Variants in ZNF266 observed in about 807,000 individuals in gnomAD.
ZNF266 encodes the protein zinc finger protein 266.
ZNF266 carries 16 observed loss-of-function variants against 16.4 expected under a neutral mutation model. The observed-to-expected ratio is 0.98, with a 90% CI of 0.66 to 1.48. ZNF266 has a LOEUF of 1.48. Ranked by LOEUF, ZNF266 falls within the 40% of genes most tolerant of loss-of-function variation. The pLI is 0.00. For missense variants in ZNF266, 738 were observed against 689.1 expected (o/e 1.07, Z -0.79); for synonymous variants, 262 against 237.9 (o/e 1.10, Z -0.93).
Position 9,420,159 on chromosome 19 carries a change from CTTAGGAAT to C in ZNF266, c.-78_-71del, listed in dbSNP as rs2123027002. Reference sequence around the variant, plus strand: ...TACTCCAAGGATCACTCCAGGACAGCTTAGGAATCTACACGGACAGAGGTAACCTCCAT... The same window carrying C: ...TACTCCAAGGATCACTCCAGGACAGCCTACACGGACAGAGGTAACCTCCAT... On this transcript the variant is annotated 5_prime_UTR_variant, in exon 6 of 11. The change abolishes the stop of an existing upstream ORF in the 5' untranslated region. Coordinates refer to ENST00000592904, the MANE Select transcript of ZNF266 (RefSeq NM_001370374.1). 6.5e-6 allele frequency: 1 copy of C among 152,720 alleles called. No homozygotes were observed. Among genetic ancestry groups the C allele is most frequent in the African/African-American group, 2.4e-5 (1 of 41,546 alleles). 9.5% of individuals were successfully genotyped at this position (152,720 alleles called of 1,614,324 possible).
Position 9,414,385 on chromosome 19 carries a change from T to C in ZNF266, c.741A>G (p.Gly247=). ...ATTCCTTCCATTCATGGAGACTTTC[T>C]CCATTGTGAGTTCTTAAATGTCCCT... ...HLQGHLRTHN[G]ESLHEWKECG... The change falls in exon 11 of 11, where the codon GGA becomes GGG. Residue 247 remains glycine, a synonymous_variant. Transcript: ENST00000592904. 1.2e-6 allele frequency: 2 copies of C among 1,614,204 alleles called. No individual in the cohort carries two copies. The highest frequency in any genetic ancestry group is 1.7e-6 in the Non-Finnish European group (2 of 1,180,048).
chr19:9,414,519 T>G lies in ZNF266; in HGVS notation c.607A>C (p.Lys203Gln), dbSNP rs1448924656. ...EQRSVFSQCG[K>Q]AFSLNPDVVC... is the part of the protein sequence containing the mutation. ...ACATCTGGGTTCAGGCTGAAGGCTTTTCCACACTGACTAAATACAGAACGT... is the reference window on the plus strand; with the variant it reads ...ACATCTGGGTTCAGGCTGAAGGCTTGTCCACACTGACTAAATACAGAACGT... The change falls in exon 11 of 11, where the codon AAA becomes CAA. Residue 203 changes from lysine (K) to glutamine (Q), a missense_variant. Coordinates refer to ENST00000592904, the MANE Select transcript of ZNF266 (RefSeq NM_001370374.1). The G allele has an allele frequency of 5.0e-6, 8 of 1,614,084 alleles. No homozygotes were observed. The highest frequency in any genetic ancestry group is 6.8e-6 in the Non-Finnish European group (8 of 1,180,016).
rs147377924 is a variant in ZNF266 at position 9,413,620 on chromosome 19, G to A, written c.1506C>T (p.Pro502=). 1,259 of 1,613,918 alleles carry A rather than the reference G, an allele frequency of 7.8e-4. 2 individuals are homozygous for A. Among genetic ancestry groups the A allele is most frequent in the Non-Finnish European group, 1.0e-3 (1,210 of 1,180,012 alleles). Residue 502 remains proline, a synonymous_variant, in exon 11 of 11, where the codon CCC becomes CCT. Coordinates refer to ENST00000592904, the MANE Select transcript of ZNF266 (RefSeq NM_001370374.1). Reference sequence around the variant, plus strand: ...CTTTACCACATTCCAGGCACTCAAAGGGCTTCTCTCCAGTGTGAATTCTCA... The same window carrying A: ...CTTTACCACATTCCAGGCACTCAAAAGGCTTCTCTCCAGTGTGAATTCTCA... ...GHLRIHTGEK[P]FECLECGKAF... is the part of the protein sequence containing the mutation.
Position 9,435,324 on chromosome 19 carries a change from T to G in ZNF266, c.-598A>C, listed in dbSNP as rs1181452988. The G allele has an allele frequency of 6.6e-6, 1 of 152,218 alleles. No homozygotes were observed. Among genetic ancestry groups the G allele is most frequent in the Non-Finnish European group, 1.5e-5 (1 of 68,058 alleles). 9.4% of individuals were successfully genotyped at this position (152,218 alleles called of 1,614,324 possible). A position where few individuals can be genotyped will look rare whatever the true frequency, so the allele number is the denominator to read the frequency against. ...GGCTCCTGGCCCAGGGCCGTCGCAG[T>G]GACAACTCGAGTGGCTTTTTGAACC... On this transcript the variant is annotated 5_prime_UTR_variant, in exon 1 of 11. Transcript: ENST00000592904.
chr19:9,426,673 G>A (rs1418380905), intron 5 of ZNF266, among the ~76,000 whole-genome samples: 1 of 152,088 alleles, frequency 6.6e-6, no homozygotes, highest in African/African-American at 2.4e-5. Flanking sequence ...AAAATAAAAG[G>A]TAACTAGACT....
At chr19:9,424,061 C>T (rs1429845989) in intron 5 of ZNF266, among the ~76,000 whole-genome samples, 3 of 152,000 alleles carry the variant, frequency 2.0e-5, no homozygotes, top group African/African-American at 7.3e-5. Flanking sequence ...CAGAAGTTTG[C>T]TTTTATTCCC....
In ZNF266 at chr19:9,413,603, C is replaced by T. The variant is rs1020601113; in HGVS notation, c.1523G>A (p.Cys508Tyr). The T allele has an allele frequency of 3.7e-6, 6 of 1,614,104 alleles. No individual in the cohort carries two copies. The highest frequency in any genetic ancestry group is 1.3e-5 in the African/African-American group (1 of 74,932). Residue 508 changes from cysteine (C) to tyrosine (Y), a missense_variant, in exon 11 of 11, where the codon TGT becomes TAT. Cys to Tyr is a radical substitution (Grantham distance 194). Transcript: ENST00000592904. Reference sequence around the variant, plus strand: ...GGAGGAATGCGTAAATGCTTTACCACATTCCAGGCACTCAAAGGGCTTCTC... The same window carrying T: ...GGAGGAATGCGTAAATGCTTTACCATATTCCAGGCACTCAAAGGGCTTCTC... The part of the protein sequence containing the change: ...TGEKPFECLE[C>Y]GKAFTHSSSL...
chr19:9,429,546 C>T (rs896422059), intron 5 of ZNF266, among the ~76,000 whole-genome samples: 1 of 152,054 alleles, frequency 6.6e-6, no homozygotes, highest in African/African-American at 2.4e-5. Context: ...AAAATATCAC[C>T]GCTGGAAACA....
Position 9,417,840 on chromosome 19 carries a change from C to T in ZNF266, c.304G>A (p.Gly102Ser), listed in dbSNP as rs772779929. ...TGTGAACACTCACCTTGGAAATCACCTCTCTGCACTGTCCTAGACTCTTCT... is the reference window on the plus strand; with the variant it reads ...TGTGAACACTCACCTTGGAAATCACTTCTCTGCACTGTCCTAGACTCTTCT... ...EQEESRTVQR[G>S]DFQASEWKVQ... The change falls in exon 9 of 11, where the codon GGT becomes AGT. Residue 102 changes from glycine (G) to serine (S), a missense_variant. Physicochemically the swap from Gly to Ser is moderately conservative, Grantham distance 56 (BLOSUM62 0). Transcript: ENST00000592904. 1 of 1,613,894 alleles carries T rather than the reference C, an allele frequency of 6.2e-7. No individual in the cohort carries two copies. The highest frequency in any genetic ancestry group is 8.5e-7 in the Non-Finnish European group (1 of 1,179,834).
chr19:9,433,152 T>C (rs1430316599), intron 5 of ZNF266, among the ~76,000 whole-genome samples: 1 of 152,226 alleles, frequency 6.6e-6, no homozygotes, highest in Non-Finnish European at 1.5e-5. Context: ...GGGAAGAACG[T>C]GCAGAATCTA....
Position 9,414,113 on chromosome 19 carries a change from T to C in ZNF266, c.1013A>G (p.Lys338Arg). The change falls in exon 11 of 11, where the codon AAG becomes AGG. Residue 338 changes from lysine to arginine, a missense_variant. Lys to Arg is a conservative substitution (Grantham distance 26). Coordinates refer to ENST00000592904, the MANE Select transcript of ZNF266 (RefSeq NM_001370374.1). The stretch of plus-strand genomic sequence containing the variant: ...AACAGTGAAGGCTCTCCCACAATCC[T>C]TACATTTATAAGGTTTCTCTCCAGT... ...THTGEKPYKC[K>R]DCGRAFTVSS... is the part of the protein sequence containing the mutation. 1 of 1,613,502 alleles carries C rather than the reference T, an allele frequency of 6.2e-7. No homozygotes were observed. Among genetic ancestry groups the C allele is most frequent in the South Asian group, 1.1e-5 (1 of 91,048 alleles).
chr19:9,424,917 T>C (rs1568417403), intron 5 of ZNF266, among the ~76,000 whole-genome samples: 1 of 152,212 alleles, frequency 6.6e-6, no homozygotes, highest in African/African-American at 2.4e-5. Context: ...GAAATTCCTA[T>C]GTGTGTAGGA....
At chr19:9,416,686 T>TC (rs1329256696) in intron 9 of ZNF266, among the ~76,000 whole-genome samples, 16 of 140,638 alleles carry the variant, frequency 1.1e-4, no homozygotes, top group Admixed American at 2.2e-4. Flanking sequence ...TTTTTTTTTT[T>TC]TTTGAGACAG....
Position 9,414,507 on chromosome 19 carries a change from G to A in ZNF266, c.619C>T (p.Leu207=). Residue 207 remains leucine, a synonymous_variant, in exon 11 of 11, where the codon CTG becomes TTG. Coordinates refer to ENST00000592904, the MANE Select transcript of ZNF266 (RefSeq NM_001370374.1). ...VFSQCGKAFS[L]NPDVVCQRTC... ...CTCTGGCAAACAACATCTGGGTTCA[G>A]GCTGAAGGCTTTTCCACACTGACTA... The A allele has an allele frequency of 6.2e-7, 1 of 1,614,182 alleles. No individual in the cohort carries two copies. The highest frequency in any genetic ancestry group is 1.1e-5 in the South Asian group (1 of 91,084).
intron 5 of ZNF266, among the ~76,000 whole-genome samples, chr19:9,426,981 C>G (rs918162190): frequency 2.6e-5 from 4 of 152,134 alleles, no homozygotes; most frequent in Non-Finnish European, 4.4e-5. Flanking sequence ...TTGACACTTA[C>G]AAATTGGCTT....
intron 5 of ZNF266, among the ~76,000 whole-genome samples, chr19:9,431,428 A>T (rs1419852351): frequency 6.6e-6 from 1 of 152,176 alleles, no homozygotes; most frequent in Non-Finnish European, 1.5e-5. Flanking sequence ...GCATGCCAGG[A>T]TGCATGCTGC....
Position 9,414,702 on chromosome 19 carries a change from C to G in ZNF266, c.424G>C (p.Gly142Arg). The G allele has an allele frequency of 6.4e-7, 1 of 1,573,348 alleles. No individual in the cohort carries two copies. Among genetic ancestry groups the G allele is most frequent in the African/African-American group, 1.3e-5 (1 of 74,108 alleles). Residue 142 changes from glycine to arginine, a missense_variant, in exon 11 of 11, where the codon GGG becomes CGG. Physicochemically the swap from Gly to Arg is moderately radical, Grantham distance 125 (BLOSUM62 -2). Coordinates refer to ENST00000592904, the MANE Select transcript of ZNF266 (RefSeq NM_001370374.1). ...CATTGCTTAACATCACTGACCTCCC[C>G]TCCGTTGTGGCTTCCTATCTGTTGA... The part of the protein sequence containing the change: ...GIQMIGSHNG[G>R]EVSDVKQCGD...
rs1462051823 is a variant in ZNF266 at position 9,414,050 on chromosome 19, C to A, written c.1076G>T (p.Gly359Val). 6.2e-7 allele frequency: 1 copy of A among 1,613,938 alleles called. No individual in the cohort carries two copies. Among genetic ancestry groups the A allele is most frequent in the Non-Finnish European group, 8.5e-7 (1 of 1,180,012 alleles). Residue 359 changes from glycine to valine, a missense_variant, in exon 11 of 11, where the codon GGT (glycine) becomes GTT (valine). Gly to Val is a moderately radical substitution (Grantham distance 109). Coordinates refer to ENST00000592904, the MANE Select transcript of ZNF266 (RefSeq NM_001370374.1). The stretch of plus-strand genomic sequence containing the variant: ...TTCCTTGCATTCATAAGGCTTCTCA[C>A]CCACATGGATTTTCATATGTTGACT... ...CLSQHMKIHV[G>V]EKPYECKECG...
chr19:9,424,595 G>C (rs2070449346), intron 5 of ZNF266, among the ~76,000 whole-genome samples: 1 of 152,148 alleles, frequency 6.6e-6, no homozygotes, highest in South Asian at 2.1e-4. Flanking sequence ...ATGTAGTTTT[G>C]CATGTTTTCT....
Sources: allele counts gnomAD v4.1 joint callset (sites outside exome capture counted in the v4.1 genomes callset), GRCh38; gene constraint gnomAD v4.1.1; transcripts MANE v1.5; gene names NCBI Gene and HGNC (gene_info 2026-07-23, HGNC 2026-07-21).